EPHA3: variants seen among roughly 807,000 people sequenced by gnomAD.
EPHA3 encodes EPH receptor A3.
A neutral mutation model predicts 107.1 loss-of-function variants in EPHA3; 42 were observed. That is an observed-to-expected ratio of 0.39 (90% CI 0.31 to 0.51). EPHA3 has a LOEUF of 0.51. Among genes scored for constraint, EPHA3 ranks in the 20% least tolerant of loss-of-function variants. EPHA3 has a pLI of 0.78. For synonymous variants in EPHA3, 461 were observed against 424.8 expected (o/e 1.09, Z -1.05); for missense variants, 1,183 against 1,211.2 (o/e 0.98, Z 0.35).
Position 89,107,674 on chromosome 3 carries a change from T to C in EPHA3, c.-75T>C, listed in dbSNP as rs1707002981. On this transcript the variant is annotated 5_prime_UTR_variant, in exon 1 of 17. Transcript: ENST00000336596. ...CGGAGCATGGTAACTTCTCCAGCAA[T>C]CAGAGCGCTCCCCCTCACATCAGTG... The C allele has an allele frequency of 1.5e-6, 2 of 1,362,774 alleles. No individual in the cohort carries two copies. 84.4% of individuals were successfully genotyped at this position (1,362,774 alleles called of 1,614,324 possible).
intron 3 of EPHA3, among the ~76,000 whole-genome samples, chr3:89,272,059 A>G (rs1233624196): frequency 6.6e-6 from 1 of 151,922 alleles, no homozygotes; most frequent in African/African-American, 2.4e-5. Context: ...ACTTTATTGT[A>G]ATAATATAGT....
intron 3 of EPHA3, among the ~76,000 whole-genome samples, chr3:89,216,981 C>T (rs188503428): frequency 2.2e-4 from 34 of 152,176 alleles, no homozygotes; most frequent in Admixed American, 2.0e-3. Context: ...GTGAAATATA[C>T]TGGTAATAGT....
At chr3:89,474,570 A>G (rs1710468563) in intron 16 of EPHA3, among the ~76,000 whole-genome samples, 1 of 152,224 alleles carries the variant, frequency 6.6e-6, no homozygotes, top group Non-Finnish European at 1.5e-5. Context: ...TCAAAGGCAA[A>G]GTTATGCAAA....
chr3:89,376,632 CAA>C (rs1188726095), intron 5 of EPHA3, among the ~76,000 whole-genome samples: 6 of 151,908 alleles, frequency 3.9e-5, no homozygotes, highest in East Asian at 1.9e-4. Flanking sequence ...AAAATATAAA[CAA>C]AGTCTCCTCT....
At chr3:89,426,037 C>G (rs1421433878) in intron 11 of EPHA3, among the ~76,000 whole-genome samples, 1 of 151,768 alleles carries the variant, frequency 6.6e-6, no homozygotes, top group Non-Finnish European at 1.5e-5. Context: ...TTTTGTTTTG[C>G]TCATTTTTGA....
intron 3 of EPHA3, among the ~76,000 whole-genome samples, chr3:89,268,430 G>C (rs932723390): frequency 1.3e-5 from 2 of 152,008 alleles, no homozygotes; most frequent in Non-Finnish European, 2.9e-5. Context: ...AAGAAGTTCA[G>C]TGCATTCTCA....
chr3:89,264,636 T>A (rs1412910060), intron 3 of EPHA3, among the ~76,000 whole-genome samples: 1 of 152,098 alleles, frequency 6.6e-6, no homozygotes, highest in Non-Finnish European at 1.5e-5. Context: ...TAATCCTTGT[T>A]CCCCCAAGCA....
chr3:89,199,883 G>C (rs1227375085), intron 2 of EPHA3, among the ~76,000 whole-genome samples: 1 of 152,120 alleles, frequency 6.6e-6, no homozygotes, highest in Non-Finnish European at 1.5e-5. Flanking sequence ...GTATAATTTT[G>C]ACATTTGGCA....
At chr3:89,224,946 A>G (rs1298213036) in intron 3 of EPHA3, among the ~76,000 whole-genome samples, 1 of 152,098 alleles carries the variant, frequency 6.6e-6, no homozygotes, top group African/African-American at 2.4e-5. Context: ...TAGACGGGAA[A>G]GGTTAAAGAG....
chr3:89,410,110 G>A (rs1240544502), intron 9 of EPHA3, among the ~76,000 whole-genome samples: 3 of 151,932 alleles, frequency 2.0e-5, no homozygotes. Context: ...TTAAAGATCA[G>A]CAGCCAGTGC....
intron 3 of EPHA3, among the ~76,000 whole-genome samples, chr3:89,338,128 G>A (rs759788875): frequency 9.9e-5 from 15 of 152,278 alleles, no homozygotes; most frequent in Non-Finnish European, 1.5e-4. Context: ...AACTTTGGCC[G>A]TTCATCTCTA....
At chr3:89,340,082 G>T (rs1384725445) in intron 3 of EPHA3, among the ~76,000 whole-genome samples, 1 of 152,146 alleles carries the variant, frequency 6.6e-6, no homozygotes, top group Non-Finnish European at 1.5e-5. Flanking sequence ...AGTAGAGGCA[G>T]TTTTAGGCAT....
At position 89,479,980 on chromosome 3, in the gene EPHA3, C is replaced by G. The variant is rs1336233374; in HGVS notation, c.*478C>G. The G allele has an allele frequency of 1.3e-5, 3 of 235,164 alleles. No homozygotes were observed. Among genetic ancestry groups the G allele is most frequent in the Non-Finnish European group, 2.5e-5 (3 of 119,304 alleles). The allele number at this position is 235,164 out of a possible 1,614,324, so 14.6% of individuals were successfully genotyped here. On this transcript the variant is annotated 3_prime_UTR_variant, in exon 17 of 17. Transcript: ENST00000336596. ...GAATTTATACCTCAAACTATCTGGCCATATTTACTACCTTATCACTGCATT... is the reference window on the plus strand; with the variant it reads ...GAATTTATACCTCAAACTATCTGGCGATATTTACTACCTTATCACTGCATT...
intron 5 of EPHA3, among the ~76,000 whole-genome samples, chr3:89,394,664 A>G (rs1000031174): frequency 6.6e-6 from 1 of 152,268 alleles, no homozygotes; most frequent in African/African-American, 2.4e-5. Context: ...TCATCATGTG[A>G]TAATCATAGA....
chr3:89,343,327 A>T (rs1707576078), intron 5 of EPHA3, among the ~76,000 whole-genome samples: 1 of 152,216 alleles, frequency 6.6e-6, no homozygotes, highest in African/African-American at 2.4e-5. Context: ...CTGGTTGTTA[A>T]CATTTTCATC....
intron 13 of EPHA3, among the ~76,000 whole-genome samples, chr3:89,431,752 A>G (rs1046823897): frequency 2.6e-5 from 4 of 152,140 alleles, no homozygotes; most frequent in Non-Finnish European, 5.9e-5. Flanking sequence ...CAATTTTTTA[A>G]TAAGTAATAC....
intron 3 of EPHA3, among the ~76,000 whole-genome samples, chr3:89,298,740 A>G (rs1274749139): frequency 6.6e-6 from 1 of 152,110 alleles, no homozygotes. Context: ...GTGTGCTGAA[A>G]ATTATTTTAA....
intron 13 of EPHA3, among the ~76,000 whole-genome samples, chr3:89,434,406 C>T (rs1362084471): frequency 2.0e-5 from 3 of 151,974 alleles, no homozygotes; most frequent in South Asian, 2.1e-4. Context: ...TTAGTACAGA[C>T]GGGGTTACTC....
intron 2 of EPHA3, among the ~76,000 whole-genome samples, chr3:89,146,630 GA>G (rs1168237482): frequency 6.6e-6 from 1 of 151,988 alleles, no homozygotes; most frequent in Non-Finnish European, 1.5e-5. Context: ...TTGCTGTACA[GA>G]AGCTCTTTAG....
Sources: allele counts gnomAD v4.1 joint callset (sites outside exome capture counted in the v4.1 genomes callset), GRCh38; gene constraint gnomAD v4.1.1; transcripts MANE v1.5; gene names NCBI Gene and HGNC (gene_info 2026-07-23, HGNC 2026-07-21).